CAMTA1: variants seen among roughly 807,000 people sequenced by gnomAD.
CAMTA1 encodes the protein calmodulin-binding transcription activator 1.
CAMTA1 carries 27 observed loss-of-function variants against 170.9 expected under a neutral mutation model. The ratio of observed to expected loss-of-function variants is 0.16; its 90% CI spans 0.12 to 0.22. The LOEUF (loss-of-function observed/expected upper bound fraction) is 0.22, where lower values mean the gene tolerates loss of function less well. Ranked by LOEUF, CAMTA1 falls within the 10% of genes least tolerant of loss-of-function variation. CAMTA1 has a pLI of 1.00. For missense variants in CAMTA1, 1,619 were observed against 2,217.2 expected, an observed-to-expected ratio of 0.73 and a Z score of 5.42; for synonymous variants, 833 against 891.5, an observed-to-expected ratio of 0.93 and a Z score of 1.17.
At chr1:7,436,491 G>A (rs2092351861) in intron 5 of CAMTA1, among the ~76,000 whole-genome samples, 2 of 152,182 alleles carry the variant, frequency 1.3e-5, no homozygotes, top group South Asian at 4.1e-4. Context: ...GCTCTGTCTT[G>A]TGGGCCCGGC....
At chr1:7,321,841 A>C (rs1036059198) in intron 5 of CAMTA1, among the ~76,000 whole-genome samples, 4 of 151,616 alleles carry the variant, frequency 2.6e-5, no homozygotes, top group African/African-American at 9.7e-5. Context: ...TAGAACTTGC[A>C]CCTCCTTCTC....
intron 1 of CAMTA1, among the ~76,000 whole-genome samples, chr1:6,810,120 G>C (rs576899490): frequency 6.6e-6 from 1 of 152,174 alleles, no homozygotes; most frequent in African/African-American, 2.4e-5. Flanking sequence ...GGAATCTCCT[G>C]GTTCCCATGG....
At chr1:7,210,193 A>T (rs1394475731) in intron 4 of CAMTA1, among the ~76,000 whole-genome samples, 1 of 152,246 alleles carries the variant, frequency 6.6e-6, no homozygotes, top group Non-Finnish European at 1.5e-5. Context: ...CTGTTGTAGG[A>T]TCCAATTCAG....
intron 6 of CAMTA1, among the ~76,000 whole-genome samples, chr1:7,566,904 T>G (rs2150305315): frequency 1.3e-5 from 2 of 152,306 alleles, no homozygotes; most frequent in South Asian, 4.1e-4. Flanking sequence ...GGACACAGTC[T>G]TCATGGGCCA....
chr1:7,179,983 T>C (rs1046246991), intron 4 of CAMTA1, among the ~76,000 whole-genome samples: 2 of 152,148 alleles, frequency 1.3e-5, no homozygotes, highest in Non-Finnish European at 2.9e-5. Flanking sequence ...AATGAAACCC[T>C]TGCTAGCATA....
chr1:6,984,053 G>A (rs1490740657), intron 3 of CAMTA1, among the ~76,000 whole-genome samples: 1 of 482 alleles, frequency 2.1e-3, no homozygotes, highest in Non-Finnish European at 5.4e-3. Context: ...TGGATAGATG[G>A]ATAAATGGGT....
intron 3 of CAMTA1, among the ~76,000 whole-genome samples, chr1:7,052,871 C>A (rs545281784): frequency 7.9e-5 from 12 of 152,194 alleles, no homozygotes; most frequent in Non-Finnish European, 1.5e-4. Flanking sequence ...TCTCTTGGGC[C>A]GGGCCGTCCC....
intron 7 of CAMTA1, among the ~76,000 whole-genome samples, chr1:7,650,506 C>T (rs1341653984): frequency 6.6e-6 from 1 of 152,210 alleles, no homozygotes; most frequent in Non-Finnish European, 1.5e-5. Flanking sequence ...TCTCAACACC[C>T]TGGCAGTCTG....
chr1:7,338,987 G>T (rs1436923724), intron 5 of CAMTA1, among the ~76,000 whole-genome samples: 3 of 152,300 alleles, frequency 2.0e-5, no homozygotes, highest in Non-Finnish European at 4.4e-5. Flanking sequence ...GCAGGAGGAT[G>T]AGAGAGAACA....
intron 3 of CAMTA1, among the ~76,000 whole-genome samples, chr1:7,032,261 G>A (rs377709050): frequency 2.4e-3 from 358 of 152,180 alleles, no homozygotes; most frequent in African/African-American, 7.1e-3. Context: ...CACTGCACCC[G>A]GCCCCTTTTC....
chr1:6,884,452 A>G (rs1167598273), intron 3 of CAMTA1, among the ~76,000 whole-genome samples: 3 of 152,086 alleles, frequency 2.0e-5, no homozygotes, highest in Non-Finnish European at 1.5e-5. Context: ...GAAAGAGTAA[A>G]CAGGAGCGTC....
chr1:7,522,243 G>C (rs1030357935), intron 6 of CAMTA1, among the ~76,000 whole-genome samples: 1 of 152,132 alleles, frequency 6.6e-6, no homozygotes, highest in Non-Finnish European at 1.5e-5. Context: ...TTTCTTTAAG[G>C]CTAGTGATGT....
chr1:6,815,604 T>G (rs953557100), intron 1 of CAMTA1, among the ~76,000 whole-genome samples: 11 of 152,234 alleles, frequency 7.2e-5, no homozygotes, highest in African/African-American at 2.7e-4. Context: ...TAGTTTTGTA[T>G]TATGTACTAA....
chr1:7,711,137 G>A (rs1237965469), intron 11 of CAMTA1, among the ~76,000 whole-genome samples: 1 of 152,128 alleles, frequency 6.6e-6, no homozygotes, highest in Non-Finnish European at 1.5e-5. Context: ...GCATGATGAG[G>A]GTCACTTCTG....
chr1:7,210,700 G>A (rs1418553362), intron 4 of CAMTA1, among the ~76,000 whole-genome samples: 2 of 152,106 alleles, frequency 1.3e-5, no homozygotes. Context: ...TTTATTTATT[G>A]TTTAGTACTC....
chr1:7,243,469 A>G (rs979980223), intron 4 of CAMTA1, among the ~76,000 whole-genome samples: 2 of 152,196 alleles, frequency 1.3e-5, no homozygotes, highest in East Asian at 1.9e-4. Context: ...TCCCAGCACC[A>G]TTTATTAAAT....
intron 5 of CAMTA1, among the ~76,000 whole-genome samples, chr1:7,337,697 G>A (rs11584646): frequency 0.5 from 65,839 of 131,116 alleles, 19,895 homozygotes; most frequent in African/African-American, 0.78. Flanking sequence ...GCCTCATCCA[G>A]TCACAATGTG....
intron 3 of CAMTA1, among the ~76,000 whole-genome samples, chr1:6,842,642 C>A (rs1656312810): frequency 6.6e-6 from 1 of 152,164 alleles, no homozygotes; most frequent in East Asian, 1.9e-4. Flanking sequence ...GCAAAAGGGC[C>A]AGGCGTGGCG....
intron 4 of CAMTA1, among the ~76,000 whole-genome samples, chr1:7,109,738 C>G (rs565968131): frequency 3.9e-5 from 6 of 152,298 alleles, no homozygotes; most frequent in South Asian, 2.1e-4. Flanking sequence ...GAATCGTCCT[C>G]CCATTGGCCT....
Sources: gnomAD v4.1 joint callset for allele counts (sites outside exome capture counted in the v4.1 genomes callset) on GRCh38, gnomAD v4.1.1 for gene constraint, MANE v1.5 for transcripts, NCBI Gene and HGNC (gene_info 2026-07-23, HGNC 2026-07-21) for gene names.